Variants in OPCML observed in about 807,000 individuals in gnomAD.
OPCML encodes the protein opioid-binding protein/cell adhesion molecule.
OPCML carries 13 observed loss-of-function variants against 37.8 expected under a neutral mutation model. The observed-to-expected ratio is 0.34, with a 90% CI of 0.22 to 0.55. OPCML has a LOEUF of 0.55. Ranked by LOEUF, OPCML falls within the 20% of genes least tolerant of loss-of-function variation. The probability of loss-of-function intolerance (pLI) is 0.91; values close to 1 mark genes in which losing one functional copy is unlikely to be tolerated. For missense variants in OPCML, 341 were observed against 435.6 expected, an observed-to-expected ratio of 0.78 and a Z score of 1.93; for synonymous variants, 176 against 168.8, an observed-to-expected ratio of 1.04 and a Z score of -0.33.
intron 1 of OPCML, among the ~76,000 whole-genome samples, chr11:133,348,339 T>A (rs1944047761): frequency 6.6e-6 from 1 of 152,038 alleles, no homozygotes; most frequent in African/African-American, 2.4e-5. Context: ...CATCTTTGAA[T>A]CCCCCCAGCA....
At chr11:133,524,085 A>G (rs967746108) in intron 1 of OPCML, among the ~76,000 whole-genome samples, 2 of 152,256 alleles carry the variant, frequency 1.3e-5, no homozygotes, top group African/African-American at 4.8e-5. Flanking sequence ...TCAGGCATAC[A>G]TTCCCAATGC....
At chr11:132,921,437 C>T (rs750320514) in intron 2 of OPCML, among the ~76,000 whole-genome samples, 4 of 152,246 alleles carry the variant, frequency 2.6e-5, no homozygotes, top group Admixed American at 1.3e-4. Context: ...GGCCCCCAGC[C>T]ATAGCACAAT....
At chr11:133,311,548 A>G (rs1249404431) in intron 1 of OPCML, among the ~76,000 whole-genome samples, 1 of 152,210 alleles carries the variant, frequency 6.6e-6, no homozygotes, top group African/African-American at 2.4e-5. Context: ...CAGCTGTAGG[A>G]GAAGAAATAA....
At chr11:133,516,722 A>G (rs919825069) in intron 1 of OPCML, among the ~76,000 whole-genome samples, 4 of 152,178 alleles carry the variant, frequency 2.6e-5, no homozygotes, top group African/African-American at 9.7e-5. Context: ...GAGAAGGCGG[A>G]GAACCCTGGA....
chr11:132,500,154 C>A (rs1324644181), intron 4 of OPCML, among the ~76,000 whole-genome samples: 2 of 152,136 alleles, frequency 1.3e-5, no homozygotes, highest in Non-Finnish European at 2.9e-5. Context: ...CATCAGTAGA[C>A]CATCATGCCT....
intron 4 of OPCML, among the ~76,000 whole-genome samples, chr11:132,483,647 C>T (rs1232766329): frequency 3.3e-5 from 5 of 152,180 alleles, no homozygotes; most frequent in Non-Finnish European, 5.9e-5. Flanking sequence ...GGAGGCATCA[C>T]ATTACCTGAC....
intron 1 of OPCML, among the ~76,000 whole-genome samples, chr11:133,090,606 C>A (rs980794693): frequency 6.6e-6 from 1 of 152,114 alleles, no homozygotes; most frequent in African/African-American, 2.4e-5. Flanking sequence ...GTGTTCATAT[C>A]CTAGTGCTCT....
chr11:132,887,634 G>A (rs1041702238), intron 2 of OPCML, among the ~76,000 whole-genome samples: 6 of 152,156 alleles, frequency 3.9e-5, no homozygotes, highest in African/African-American at 1.4e-4. Context: ...CAAGAAAATA[G>A]GGGTACTAAA....
At chr11:133,527,276 A>G (rs941398041) in intron 1 of OPCML, among the ~76,000 whole-genome samples, 3 of 152,234 alleles carry the variant, frequency 2.0e-5, no homozygotes, top group African/African-American at 4.8e-5. Context: ...CAAAGGTGCC[A>G]TGTCTGTTGC....
chr11:132,929,048 A>T (rs1945097258), intron 2 of OPCML, among the ~76,000 whole-genome samples: 1 of 151,706 alleles, frequency 6.6e-6, no homozygotes, highest in African/African-American at 2.4e-5. Context: ...TAAGGAACTA[A>T]AAAAAAGAAG....
In OPCML at chr11:133,244,232, C is replaced by T. The variant is rs1014259604; in HGVS notation, c.61+288032G>A. 2.0e-5 allele frequency among the ~76,000 whole-genome samples: 3 copies of T among 152,148 alleles called. No individual in the cohort carries two copies. In the South Asian group the frequency reaches 6.2e-4, roughly 32 times the overall value. ...TAGTGCAGTGCCCTTAGCTGAGTTA[C>T]TTAATCTTTCACATTTCAATGTCTT... On this transcript the variant is annotated intron_variant, in intron 1 of 7. Coordinates refer to ENST00000524381, the MANE Select transcript of OPCML (RefSeq NM_001012393.5).
intron 1 of OPCML, among the ~76,000 whole-genome samples, chr11:133,088,030 G>C (rs920248082): frequency 2.2e-4 from 33 of 152,192 alleles, no homozygotes; most frequent in Non-Finnish European, 4.0e-4. Context: ...TAATAAGAAG[G>C]TAAGGGTGAG....
Position 133,134,462 on chromosome 11 carries a change from C to T in OPCML, c.62-191452G>A, listed in dbSNP as rs537676145. ...CCTTCCATTTCTTCGGAAAGGCCTTCCTCAGAGTCTTAGGTGGGTGAGTGA... is the reference window on the plus strand; with the variant it reads ...CCTTCCATTTCTTCGGAAAGGCCTTTCTCAGAGTCTTAGGTGGGTGAGTGA... On this transcript the variant is annotated intron_variant, in intron 1 of 7. Transcript: ENST00000524381. Among the ~76,000 whole-genome samples the T allele has an allele frequency of 5.9e-5, 9 of 151,836 alleles. No individual in the cohort carries two copies. In the East Asian group the frequency reaches 1.7e-3, roughly 29 times the overall value.
intron 2 of OPCML, among the ~76,000 whole-genome samples, chr11:132,926,781 C>A (rs1945007736): frequency 6.6e-6 from 1 of 151,626 alleles, no homozygotes; most frequent in Non-Finnish European, 1.5e-5. Flanking sequence ...ATAAAAACTG[C>A]CTTACATATG....
intron 1 of OPCML, among the ~76,000 whole-genome samples, chr11:133,325,139 A>G (rs1252252575): frequency 1.3e-5 from 2 of 152,246 alleles, no homozygotes; most frequent in Non-Finnish European, 2.9e-5. Flanking sequence ...GAGCCACGTC[A>G]CTAGACTCCC....
chr11:132,969,060 C>T (rs565909210), intron 1 of OPCML, among the ~76,000 whole-genome samples: 18 of 152,184 alleles, frequency 1.2e-4, no homozygotes, highest in Middle Eastern at 3.4e-3. Context: ...ATCACCAGAG[C>T]GCTATACACT....
At chr11:132,537,499 A>T (rs777272385) in intron 3 of OPCML, among the ~76,000 whole-genome samples, 4 of 152,342 alleles carry the variant, frequency 2.6e-5, no homozygotes, top group South Asian at 4.1e-4. Flanking sequence ...CACAAGAAAA[A>T]CTATGTAGCC....
chr11:133,184,556 G>T (rs984814586), intron 1 of OPCML, among the ~76,000 whole-genome samples: 1 of 152,098 alleles, frequency 6.6e-6, no homozygotes, highest in Non-Finnish European at 1.5e-5. Context: ...TGCCTTAGAA[G>T]TGTGCTCCGC....
chr11:132,464,202 CT>C (rs1167476852), intron 4 of OPCML, among the ~76,000 whole-genome samples: 2 of 152,208 alleles, frequency 1.3e-5, no homozygotes, highest in Non-Finnish European at 2.9e-5. Flanking sequence ...CCAAAAAGTG[CT>C]TGTGTCCCCA....
Sources: gnomAD v4.1 joint callset for allele counts (sites outside exome capture counted in the v4.1 genomes callset) on GRCh38, gnomAD v4.1.1 for gene constraint, MANE v1.5 for transcripts, NCBI Gene and HGNC (gene_info 2026-07-23, HGNC 2026-07-21) for gene names.